BLCAP: variants seen among roughly 807,000 people sequenced by gnomAD.
BLCAP encodes the protein BLCAP apoptosis inducing factor.
In BLCAP, 1 loss-of-function variant was observed where a neutral mutation model predicts 5.7. The ratio of observed to expected loss-of-function variants is 0.18; its 90% confidence interval spans 0.06 to 0.83. The LOEUF is 0.83. Ranked by LOEUF, BLCAP falls within the 40% of genes least tolerant of loss-of-function variation. BLCAP has a pLI of 0.71. For synonymous variants in BLCAP, 48 were observed against 49.4 expected, an observed-to-expected ratio of 0.97 and a Z score of 0.11; for missense variants, 66 against 107.6, an observed-to-expected ratio of 0.61 and a Z score of 1.71.
rs749242437 is a variant in BLCAP at position 37,522,927 on chromosome 20, C to T, written c.-176-3577G>A. 21 of 591,232 alleles carry T rather than the reference C, an allele frequency of 3.6e-5. 1 individual carries two copies. The highest frequency in any genetic ancestry group is 3.6e-5 in the Non-Finnish European group (12 of 336,330). The allele number at this position is 591,232 out of a possible 1,614,324, so 36.6% of individuals were successfully genotyped here. ...CAGTAGACCCCCGGAGAAGCAGTAC[C>T]GACAATGACGAAGATACCAGATCCC... On this transcript the variant is annotated intron_variant, in intron 1 of 1. Transcript: ENST00000373537.
rs1414434356 is a variant in BLCAP at position 37,521,575 on chromosome 20, C to T, written c.-176-2225G>A. The T allele has an allele frequency of 1.6e-5, 11 of 667,908 alleles. No homozygotes were observed. Among genetic ancestry groups the T allele is most frequent in the South Asian group, 1.6e-4 (9 of 56,948 alleles). 41.4% of individuals were successfully genotyped at this position (667,908 alleles called of 1,614,324 possible). On this transcript the variant is annotated intron_variant, in intron 1 of 1. Transcript: ENST00000373537. This position sits in a 1 kb window ranked among gnomAD's most constrained non-coding sequence, Gnocchi z 4.5. Reference sequence around the variant, plus strand: ...CGCGCCCCCTGCCCATTCCCTGCGCCGTCCTCCTCGCGCTGACCCTCCCTA... The same window carrying T: ...CGCGCCCCCTGCCCATTCCCTGCGCTGTCCTCCTCGCGCTGACCCTCCCTA...
chr20:37,519,271 T>G lies in BLCAP; in HGVS notation c.-97A>C. ...CGGGCGCAGGCGGCTGCCCTCCGCT[T>G]TCTTCAACCCTCACTCTCCAGGAGC... On this transcript the variant is annotated 5_prime_UTR_variant, in exon 2 of 2. Coordinates refer to ENST00000373537, the MANE Select transcript of BLCAP (RefSeq NM_006698.4). 1 of 1,404,056 alleles carries G rather than the reference T, an allele frequency of 7.1e-7. No individual in the cohort carries two copies. The highest frequency in any genetic ancestry group is 9.5e-7 in the Non-Finnish European group (1 of 1,048,608). The allele number at this position is 1,404,056 out of a possible 1,614,324, so 87.0% of individuals were successfully genotyped here. A position where few individuals can be genotyped will look rare whatever the true frequency, so the allele number is the denominator to read the frequency against.
In BLCAP at chr20:37,518,740, G is replaced by A. The variant is rs2071458264; in HGVS notation, c.*171C>T. The stretch of plus-strand genomic sequence containing the variant: ...TATAGGACTTTACAATAAAAGCACC[G>A]GTCAGTGCCATTATTCACATTGTAA... On this transcript the variant is annotated 3_prime_UTR_variant, in exon 2 of 2. Transcript: ENST00000373537. 4.3e-6 allele frequency: 4 copies of A among 931,048 alleles called. No individual in the cohort carries two copies. The highest frequency in any genetic ancestry group is 4.8e-6 in the Non-Finnish European group (3 of 629,510). 57.7% of individuals were successfully genotyped at this position (931,048 alleles called of 1,614,324 possible).
At position 37,521,504 on chromosome 20, in the gene BLCAP, C is replaced by A; in HGVS notation, c.-176-2154G>T. Reference sequence around the variant, plus strand: ...TGCCGCTTCCCGGACCCGTCCTATTCCGATTGCCGCGATCCTTGCCTGCCC... The same window carrying A: ...TGCCGCTTCCCGGACCCGTCCTATTACGATTGCCGCGATCCTTGCCTGCCC... On this transcript the variant is annotated intron_variant, in intron 1 of 1. Transcript: ENST00000373537. The surrounding 1 kb of genome is among the most constrained non-coding windows in gnomAD (Gnocchi z 4.5). The A allele has an allele frequency of 1.7e-6, 2 of 1,199,606 alleles. No individual in the cohort carries two copies. The highest frequency in any genetic ancestry group is 2.5e-5 in the South Asian group (2 of 79,580). 74.3% of individuals were successfully genotyped at this position (1,199,606 alleles called of 1,614,324 possible).
At chr20:37,525,255 G>A (rs532045998) in intron 1 of BLCAP, among the ~76,000 whole-genome samples, 1 of 152,288 alleles carries the variant, frequency 6.6e-6, no homozygotes, top group South Asian at 2.1e-4. Flanking sequence ...CTTTTGAGGG[G>A]TATGCCCATA....
intron 1 of BLCAP, among the ~76,000 whole-genome samples, chr20:37,520,033 G>A (rs2071513164): frequency 6.6e-6 from 1 of 152,236 alleles, no homozygotes; most frequent in African/African-American, 2.4e-5. Context: ...AAGTCACTAT[G>A]CTACTTTGTC....
Position 37,521,672 on chromosome 20 carries a change from A to AT in BLCAP, c.-176-2323dup. On this transcript the variant is annotated intron_variant, in intron 1 of 1. Coordinates refer to ENST00000373537, the MANE Select transcript of BLCAP (RefSeq NM_006698.4). The surrounding 1 kb of genome is among the most constrained non-coding windows in gnomAD (Gnocchi z 4.5). ...GACCGCTGCGGACGATCACCCAGGC[A>AT]TTTAGCGACCTACGCGGTAAGAAAA... 4.2e-6 allele frequency: 2 copies of AT among 475,162 alleles called. No homozygotes were observed. The highest frequency in any genetic ancestry group is 7.6e-6 in the Non-Finnish European group (2 of 262,902). 29.4% of individuals were successfully genotyped at this position (475,162 alleles called of 1,614,324 possible). A position where few individuals can be genotyped will look rare whatever the true frequency, so the allele number is the denominator to read the frequency against.
chr20:37,521,685 C>T lies in BLCAP; in HGVS notation c.-176-2335G>A. On this transcript the variant is annotated intron_variant, in intron 1 of 1. Transcript: ENST00000373537. This position sits in a 1 kb window ranked among gnomAD's most constrained non-coding sequence, Gnocchi z 4.5. ...GATCACCCAGGCATTTAGCGACCTA[C>T]GCGGTAAGAAAAACCCGCTACACCC... 2.4e-6 allele frequency: 1 copy of T among 421,480 alleles called. No individual in the cohort carries two copies. The highest frequency in any genetic ancestry group is 4.3e-6 in the Non-Finnish European group (1 of 231,126). The allele number at this position is 421,480 out of a possible 1,614,324, so 26.1% of individuals were successfully genotyped here. A position where few individuals can be genotyped will look rare whatever the true frequency, so the allele number is the denominator to read the frequency against.
At chr20:37,519,559 C>A (rs1029854907) in intron 1 of BLCAP, among the ~76,000 whole-genome samples, 1 of 152,152 alleles carries the variant, frequency 6.6e-6, no homozygotes, top group African/African-American at 2.4e-5. Context: ...GTCACTAATT[C>A]GGGAAGCTTC....
In BLCAP at chr20:37,518,837, C is replaced by A. The variant is rs2071461936; in HGVS notation, c.*74G>T. ...CCGCGAGGCTGCGGGATTTGAAACT[C>A]CAATGCTTTATGACCTATGTCAATG... On this transcript the variant is annotated 3_prime_UTR_variant, in exon 2 of 2. Coordinates refer to ENST00000373537, the MANE Select transcript of BLCAP (RefSeq NM_006698.4). 4 of 1,555,798 alleles carry A rather than the reference C, an allele frequency of 2.6e-6. No individual in the cohort carries two copies. The Admixed American group carries it at 5.7e-5, about 22-fold the overall frequency.
At chr20:37,520,584 A>C (rs2071533486) in intron 1 of BLCAP, 1 of 152,210 alleles carries the variant, frequency 6.6e-6, no homozygotes, top group Non-Finnish European at 1.5e-5. Context: ...TATCCCTCCT[A>C]CAGATACCGG....
chr20:37,519,426 A>AAAAAAAAAAAAAAAAGG (rs1412804567), intron 1 of BLCAP, 76 bp from the exon 2 acceptor site: 1 of 44,640 alleles, frequency 2.2e-5, no homozygotes, highest in Non-Finnish European at 3.4e-5. Context: ...AAAAAAAAGA[A>AAAAAAAAAAAAAAAAGG]AAAAAAAAAA....
At chr20:37,522,598 G>GGGGGGGGGGGGGGGCCC in intron 1 of BLCAP, 5 of 864,402 alleles carry the variant, frequency 5.8e-6, no homozygotes, top group South Asian at 1.5e-5. Context: ...GCGGGGGTGG[G>GGGGGGGGGGGGGGGCCC]CACGGCAGCA....
rs1274442495 is a variant in BLCAP at position 37,517,545 on chromosome 20, C to A, written c.*1366G>T. On this transcript the variant is annotated 3_prime_UTR_variant, in exon 2 of 2. Transcript: ENST00000373537. Reference sequence around the variant, plus strand: ...ACAGTCCCATTCCCTAGATGGACTGCCTCCAGTTCTGTTCTCTGCCTGGCC... The same window carrying A: ...ACAGTCCCATTCCCTAGATGGACTGACTCCAGTTCTGTTCTCTGCCTGGCC... The A allele has an allele frequency of 6.6e-6, 1 of 152,528 alleles. No individual in the cohort carries two copies. Among genetic ancestry groups the A allele is most frequent in the Non-Finnish European group, 1.5e-5 (1 of 68,048 alleles). 9.4% of individuals were successfully genotyped at this position (152,528 alleles called of 1,614,324 possible). A position where few individuals can be genotyped will look rare whatever the true frequency, so the allele number is the denominator to read the frequency against.
intron 1 of BLCAP, chr20:37,523,103 C>T (rs2071646839): frequency 4.0e-6 from 1 of 249,884 alleles, no homozygotes; most frequent in Non-Finnish European, 7.6e-6. Flanking sequence ...AAGCCAGGGC[C>T]ATGCCAGCAG....
rs140363194 is a variant in BLCAP at position 37,525,017 on chromosome 20, T to C, written c.-177+2776A>G. 5.7e-3 allele frequency among the ~76,000 whole-genome samples: 871 copies of C among 152,334 alleles called. 8 individuals carry two copies. Among genetic ancestry groups the C allele is most frequent in the African/African-American group, 0.02 (832 of 41,584 alleles). ...AGGATGTGCAATCTGAGACTTCATCTTTCTTAGGCTGGGTGGCTATAGCTG... is the reference window on the plus strand; with the variant it reads ...AGGATGTGCAATCTGAGACTTCATCCTTCTTAGGCTGGGTGGCTATAGCTG... On this transcript the variant is annotated intron_variant, in intron 1 of 1. Coordinates refer to ENST00000373537, the MANE Select transcript of BLCAP (RefSeq NM_006698.4).
At chr20:37,525,092 C>T (rs2071695920) in intron 1 of BLCAP, among the ~76,000 whole-genome samples, 1 of 152,184 alleles carries the variant, frequency 6.6e-6, no homozygotes, top group Non-Finnish European at 1.5e-5. Context: ...CAGTGTGACT[C>T]ATCAGCAGGC....
At chr20:37,522,143 G>A (rs1166559898) in intron 1 of BLCAP, among the ~76,000 whole-genome samples, 4 of 123,988 alleles carry the variant, frequency 3.2e-5, no homozygotes, top group Non-Finnish European at 5.2e-5. Context: ...AAATAGAAGG[G>A]GAAAAAAAGC....
intron 1 of BLCAP, chr20:37,522,475 A>C (rs1204281363): frequency 1.3e-6 from 2 of 1,582,484 alleles, no homozygotes; most frequent in African/African-American, 1.3e-5. Context: ...GCTTGCCGCC[A>C]TGCAGCTCTC....
Sources: gnomAD v4.1 joint callset for allele counts (sites outside exome capture counted in the v4.1 genomes callset) on GRCh38, gnomAD v4.1.1 for gene constraint, Gnocchi (gnomAD v3.1) non-coding constraint, MANE v1.5 for transcripts, NCBI Gene and HGNC (gene_info 2026-07-23, HGNC 2026-07-21) for gene names.